The following TMOD3 variants were observed in gnomAD, a reference collection of about 807,000 sequenced individuals.
TMOD3 encodes the protein tropomodulin-3.
A neutral mutation model predicts 39.2 loss-of-function variants in TMOD3; 20 were observed. The ratio of observed to expected loss-of-function variants is 0.51; its 90% CI spans 0.36 to 0.74. The LOEUF (loss-of-function observed/expected upper bound fraction) is 0.74, where lower values mean the gene tolerates loss of function less well. Ranked by LOEUF, TMOD3 falls within the 30% of genes least tolerant of loss-of-function variation. The pLI, the probability that TMOD3 is intolerant of heterozygous loss-of-function variation, is 0.00. For synonymous variants in TMOD3, 143 were observed against 145.8 expected, an observed-to-expected ratio of 0.98 and a Z score of 0.14; for missense variants, 381 against 412.8, an observed-to-expected ratio of 0.92 and a Z score of 0.67.
chr15:51,859,702 A>G, intron 1 of TMOD3: 1 of 484,194 alleles, frequency 2.1e-6, no homozygotes, highest in Non-Finnish European at 4.1e-6. Context: ...AGTCTTCCTC[A>G]AAAAGCATGG....
Position 51,832,203 on chromosome 15 carries a change from TTATATATATA to T in TMOD3, c.-75+2387_-75+2396del, listed in dbSNP as rs3985812. Among the ~76,000 whole-genome samples, 25 of 79,334 alleles carry T rather than the reference TTATATATATA, an allele frequency of 3.2e-4. 3 individuals are homozygous for T. Among genetic ancestry groups the T allele is most frequent in the Non-Finnish European group, 4.9e-4 (18 of 36,490 alleles). The allele number at this position is 79,334 out of a possible 152,430, so 52.0% of individuals were successfully genotyped here. A position where few individuals can be genotyped will look rare whatever the true frequency, so the allele number is the denominator to read the frequency against. Reference sequence around the variant, plus strand: ...TGTCTCTCTAAAAAAAGAAAAAAAATTATATATATATATATATATATATATATATGAATGA... The same window carrying T: ...TGTCTCTCTAAAAAAAGAAAAAAAATTATATATATATATATATATGAATGA... On this transcript the variant is annotated intron_variant, in intron 1 of 9. Coordinates refer to ENST00000308580, the MANE Select transcript of TMOD3 (RefSeq NM_014547.5).
intron 3 of TMOD3, among the ~76,000 whole-genome samples, chr15:51,881,164 G>A (rs547246215): frequency 2.6e-5 from 4 of 151,984 alleles, no homozygotes; most frequent in Non-Finnish European, 5.9e-5. Flanking sequence ...CGAACTTCTG[G>A]GCTCAAACAA....
chr15:51,901,590 TG>T, intron 8 of TMOD3: 1 of 317,494 alleles, frequency 3.1e-6, no homozygotes. Flanking sequence ...TGTGTGTGTG[TG>T]TGTGTGTGTG....
At chr15:51,861,914 A>G (rs936751851) in intron 1 of TMOD3, among the ~76,000 whole-genome samples, 15 of 152,112 alleles carry the variant, frequency 9.9e-5, no homozygotes, top group Non-Finnish European at 1.6e-4. Context: ...ACGTTCTGGG[A>G]TTACAGATGT....
chr15:51,883,316 G>C (rs930701959), intron 3 of TMOD3, among the ~76,000 whole-genome samples: 1 of 152,102 alleles, frequency 6.6e-6, no homozygotes, highest in Non-Finnish European at 1.5e-5. Flanking sequence ...TATATGGGGG[G>C]AAATTAGGTA....
At chr15:51,899,577 G>T (rs773665758) in intron 7 of TMOD3, among the ~76,000 whole-genome samples, 1 of 151,406 alleles carries the variant, frequency 6.6e-6, no homozygotes, top group East Asian at 1.9e-4. Context: ...GAGGTGGGAA[G>T]ATCAATTGAG....
chr15:51,914,022 A>C lies in TMOD3; in HGVS notation c.*5212A>C, dbSNP rs1371358343. 1 of 151,580 alleles carries C rather than the reference A, an allele frequency of 6.6e-6. No homozygotes were observed. Among genetic ancestry groups the C allele is most frequent in the Non-Finnish European group, 1.5e-5 (1 of 67,962 alleles). The allele number at this position is 151,580 out of a possible 1,614,324, so 9.4% of individuals were successfully genotyped here. On this transcript the variant is annotated 3_prime_UTR_variant, in exon 10 of 10. Transcript: ENST00000308580. The stretch of plus-strand genomic sequence containing the variant: ...GAGTGAAACTCTTATCTCAAAAAAA[A>C]AAAAAAAAAAAGAGCTATACTCATA...
chr15:51,897,079 C>A (rs924805699), intron 7 of TMOD3, among the ~76,000 whole-genome samples: 6 of 152,188 alleles, frequency 3.9e-5, no homozygotes, highest in Non-Finnish European at 8.8e-5. Context: ...GAATATCACT[C>A]ACTCCCTTGG....
intron 1 of TMOD3, among the ~76,000 whole-genome samples, chr15:51,844,383 G>A (rs2056326126): frequency 6.6e-6 from 1 of 152,152 alleles, no homozygotes; most frequent in Non-Finnish European, 1.5e-5. Flanking sequence ...AAAACCCTCC[G>A]AAACTCCTTA....
At chr15:51,859,112 A>G in intron 1 of TMOD3, 1 of 563,758 alleles carries the variant, frequency 1.8e-6, no homozygotes, top group Admixed American at 2.6e-5. Context: ...AATTACAAAA[A>G]TGGACTCATA....
At chr15:51,878,605 C>T (rs1292265799) in intron 3 of TMOD3, among the ~76,000 whole-genome samples, 2 of 152,086 alleles carry the variant, frequency 1.3e-5, no homozygotes, top group Non-Finnish European at 2.9e-5. Context: ...AGTTCATTGT[C>T]TAGTATATAC....
chr15:51,879,379 G>A (rs1767157527), intron 3 of TMOD3, among the ~76,000 whole-genome samples: 1 of 150,702 alleles, frequency 6.6e-6, no homozygotes, highest in African/African-American at 2.4e-5. Context: ...TCTCATCATT[G>A]TTTATTTTTA....
At chr15:51,864,722 A>G (rs2056436371) in intron 2 of TMOD3, among the ~76,000 whole-genome samples, 1 of 152,156 alleles carries the variant, frequency 6.6e-6, no homozygotes, top group Non-Finnish European at 1.5e-5. Flanking sequence ...GAATAATTTG[A>G]ACAGGCTCAG....
chr15:51,861,211 C>A (rs2141683184), intron 1 of TMOD3: 1 of 464,616 alleles, frequency 2.2e-6, no homozygotes, highest in Non-Finnish European at 4.2e-6. Flanking sequence ...TTAATCTCTG[C>A]ATGACTGAAC....
Position 51,863,022 on chromosome 15 carries a change from G to T in TMOD3, c.126+12G>T, listed in dbSNP as rs747358873. On this transcript the variant is annotated intron_variant, in intron 2 of 9. Coordinates refer to ENST00000308580, the MANE Select transcript of TMOD3 (RefSeq NM_014547.5). ...ATCTTGACCCCGAGGTAGGTGCTAG[G>T]TGATGAAGAGAAATGAAATAACTTT... The T allele has an allele frequency of 6.2e-7, 1 of 1,601,580 alleles. No individual in the cohort carries two copies. Among genetic ancestry groups the T allele is most frequent in the Admixed American group, 1.8e-5 (1 of 56,520 alleles).
intron 1 of TMOD3, among the ~76,000 whole-genome samples, chr15:51,839,331 G>C (rs998337630): frequency 1.3e-5 from 2 of 151,336 alleles, no homozygotes; most frequent in Admixed American, 1.3e-4. Flanking sequence ...CACCATGCCT[G>C]GCTAATTTTT....
intron 1 of TMOD3, among the ~76,000 whole-genome samples, chr15:51,836,205 A>G (rs2056282214): frequency 6.6e-6 from 1 of 152,168 alleles, no homozygotes; most frequent in South Asian, 2.1e-4. Flanking sequence ...ATTTTGCTAC[A>G]TTCAGAACTG....
chr15:51,900,074 ATGTAT>A (rs1425443098), intron 7 of TMOD3, 76 bp from the exon 8 acceptor site: 7 of 1,346,264 alleles, frequency 5.2e-6, no homozygotes, highest in Non-Finnish European at 7.2e-6. Context: ...CAGTTAATTA[ATGTAT>A]TTATTTATGG....
At chr15:51,887,160 G>A (rs1373971427) in intron 3 of TMOD3, among the ~76,000 whole-genome samples, 1 of 150,538 alleles carries the variant, frequency 6.6e-6, no homozygotes, top group Non-Finnish European at 1.5e-5. Context: ...GGTGGAGGTT[G>A]CAGTGAGCCA....
Sources: gnomAD v4.1 joint callset for allele counts (sites outside exome capture counted in the v4.1 genomes callset) on GRCh38, gnomAD v4.1.1 for gene constraint, MANE v1.5 for transcripts, NCBI Gene and HGNC (gene_info 2026-07-23, HGNC 2026-07-21) for gene names.